The following MTOR variants were observed in gnomAD, a reference collection of about 807,000 sequenced individuals.
The protein encoded by MTOR is mechanistic target of rapamycin kinase.
A neutral mutation model predicts 319.8 loss-of-function variants in MTOR; 70 were observed. The ratio of observed to expected loss-of-function variants is 0.22; its 90% CI spans 0.18 to 0.27. The LOEUF (loss-of-function observed/expected upper bound fraction) is 0.27, where lower values mean the gene tolerates loss of function less well. MTOR is among the 10% of genes least tolerant of loss of function. The pLI, the probability that MTOR is intolerant of heterozygous loss-of-function variation, is 1.00. For missense variants in MTOR, 1,890 were observed against 3,274.4 expected, an observed-to-expected ratio of 0.58 and a Z score of 10.32; for synonymous variants, 1,183 against 1,211.4, an observed-to-expected ratio of 0.98 and a Z score of 0.49.
At chr1:11,218,136 AAT>A (rs1200512875) in intron 19 of MTOR, among the ~76,000 whole-genome samples, 1 of 152,154 alleles carries the variant, frequency 6.6e-6, no homozygotes, top group Non-Finnish European at 1.5e-5. Context: ...TCCCTATACA[AAT>A]ATGTTATTAC....
chr1:11,166,652 T>C (rs1644653354), intron 29 of MTOR, among the ~76,000 whole-genome samples: 1 of 152,190 alleles, frequency 6.6e-6, no homozygotes, highest in Non-Finnish European at 1.5e-5. Flanking sequence ...GGTGGGACTG[T>C]AAACTAGTTC....
chr1:11,142,878 C>G (rs1226372408), intron 34 of MTOR, among the ~76,000 whole-genome samples: 1 of 152,168 alleles, frequency 6.6e-6, no homozygotes, highest in Non-Finnish European at 1.5e-5. Context: ...TGGTGCAACT[C>G]CAAAGAAAAG....
At chr1:11,194,571 C>T (rs113054822) in intron 28 of MTOR, 118 of 1,614,160 alleles carry the variant, frequency 7.3e-5, no homozygotes, top group South Asian at 1.6e-4. Context: ...TGGGGAACGA[C>T]GCCCTCCAGT....
chr1:11,171,423 A>T (rs1383638576), intron 28 of MTOR, among the ~76,000 whole-genome samples: 1 of 151,826 alleles, frequency 6.6e-6, no homozygotes, highest in Non-Finnish European at 1.5e-5. Flanking sequence ...CTGGGATGAC[A>T]GGTGTGAGGC....
At chr1:11,120,519 G>GAAAAAA (rs200705080) in intron 49 of MTOR, among the ~76,000 whole-genome samples, 1 of 148,704 alleles carries the variant, frequency 6.7e-6, no homozygotes, top group South Asian at 2.2e-4. Context: ...GCCTGGGCGG[G>GAAAAAA]GAAAAAAAAA....
chr1:11,167,492 C>A lies in MTOR; in HGVS notation c.4279G>T (p.Glu1427Ter). The change falls in exon 29 of 58, where the codon GAG becomes TAG. Residue 1427 changes from glutamate to a stop codon, truncating the protein, a stop_gained. Transcript: ENST00000361445. LOFTEE classifies it high-confidence loss of function. ...TATTCTAACACTCCGGCCGCTGCCT[C>A]CGGCTGCTGTAGCTTATTATTAATG... ...ISINNKLQQP[E>*]AAAGVLEYAM... The A allele has an allele frequency of 6.2e-7, 1 of 1,613,122 alleles. No individual in the cohort carries two copies.
At position 11,128,575 on chromosome 1, in the gene MTOR, A is replaced by T. The variant is rs560885612; in HGVS notation, c.5812-23T>A. ...AACCTGGTATTCAAAAAGACACAGT[A>T]TGTAGCATATGAGACTTGAAACAAC... On this transcript the variant is annotated intron_variant, in intron 41 of 57. Transcript: ENST00000361445. This position sits in a 1 kb window ranked among gnomAD's most constrained non-coding sequence, Gnocchi z 5.3. 6.3e-7 allele frequency: 1 copy of T among 1,599,800 alleles called. No homozygotes were observed. Among genetic ancestry groups the T allele is most frequent in the African/African-American group, 1.3e-5 (1 of 74,772 alleles).
chr1:11,250,801 C>T lies in MTOR; in HGVS notation c.841-2707G>A, dbSNP rs536538613. On this transcript the variant is annotated intron_variant, in intron 6 of 57. Coordinates refer to ENST00000361445, the MANE Select transcript of MTOR (RefSeq NM_004958.4). ...GTCTTCTCCCGCAAGCCTGCTGCTC[C>T]CATTTCAGTCTTCCCACTGCAGTGA... 5.3e-5 allele frequency among the ~76,000 whole-genome samples: 8 copies of T among 152,324 alleles called. No homozygotes were observed. The East Asian group carries it at 1.3e-3, about 26-fold the overall frequency.
chr1:11,243,364 C>A, intron 8 of MTOR, 64 bp from the exon 9 acceptor site: 2 of 1,459,602 alleles, frequency 1.4e-6, no homozygotes, highest in South Asian at 2.5e-5. Context: ...TATCAACAGT[C>A]AAAGGTCCTA....
chr1:11,255,772 A>G (rs1650313937), intron 5 of MTOR, among the ~76,000 whole-genome samples: 1 of 151,788 alleles, frequency 6.6e-6, no homozygotes, highest in Non-Finnish European at 1.5e-5. Flanking sequence ...GCTTGAACCC[A>G]AGAGGCGGAG....
rs777609766 is a variant in MTOR, at chr1:11,212,391, C to T, written c.3482G>A (p.Arg1161Gln). Reference sequence around the variant, plus strand: ...CAGTTCTGGGCTCTGGTCCAGTGTTCGAACAATAGGGTGAATGATCCGGGA... The same window carrying T: ...CAGTTCTGGGCTCTGGTCCAGTGTTTGAACAATAGGGTGAATGATCCGGGA... ...YASRIIHPIV[R>Q]TLDQSPELRS... The change falls in exon 23 of 58, where the codon CGA (arginine) becomes CAA (glutamine). Residue 1161 changes from arginine to glutamine, a missense_variant. Around this residue, in one of 15 missense-constraint regions of MTOR, gnomAD observed 377 missense variants for 653.9 expected, o/e 0.58. Transcript: ENST00000361445. The surrounding 1 kb of genome is among the most constrained non-coding windows in gnomAD (Gnocchi z 4.1). 5.6e-6 allele frequency: 9 copies of T among 1,614,078 alleles called. No homozygotes were observed. Among genetic ancestry groups the T allele is most frequent in the Non-Finnish European group, 7.6e-6 (9 of 1,180,006 alleles).
chr1:11,256,031 C>A lies in MTOR; in HGVS notation c.666G>T (p.Gln222His), dbSNP rs1439098222. 1 of 1,614,010 alleles carries A rather than the reference C, an allele frequency of 6.2e-7. No homozygotes were observed. Among genetic ancestry groups the A allele is most frequent in the East Asian group, 2.2e-5 (1 of 44,882 alleles). ...GCTTCTGCATCTCCTTCGGCTCACG[C>A]TGGGTTGTGAGAATCAGACAGGCAC... ...ALRACLILTT[Q>H]REPKEMQKPQ... The change falls in exon 5 of 58, where the codon CAG becomes CAT. Residue 222 changes from glutamine to histidine, a missense_variant. By Grantham distance (24) the Gln-to-His change is conservative. This residue lies in a region of MTOR where 81 missense variants were observed against 203.6 expected (regional missense o/e 0.40). Coordinates refer to ENST00000361445, the MANE Select transcript of MTOR (RefSeq NM_004958.4).
chr1:11,192,271 T>G (rs1446959816), intron 28 of MTOR: 1 of 1,612,078 alleles, frequency 6.2e-7, no homozygotes, highest in Admixed American at 1.7e-5. Context: ...CTCTTGTAGA[T>G]GCCATCTACG....
At chr1:11,228,588 T>G (rs1355251186) in intron 19 of MTOR, 80 bp downstream of exon 19, 1 of 1,550,134 alleles carries the variant, frequency 6.5e-7, no homozygotes, top group Non-Finnish European at 8.7e-7. Context: ...GAATGCACAA[T>G]TAAGAAGCTG....
At position 11,149,734 on chromosome 1, in the gene MTOR, T is replaced by C. The variant is rs1644070954; in HGVS notation, c.4570+392A>G. Among the ~76,000 whole-genome samples the C allele has an allele frequency of 2.0e-5, 3 of 152,110 alleles. 1 individual carries two copies. The highest frequency in any genetic ancestry group is 7.2e-5 in the African/African-American group (3 of 41,414). On this transcript the variant is annotated intron_variant, in intron 31 of 57. Transcript: ENST00000361445. Reference sequence around the variant, plus strand: ...CCTTAACCTGTGGGATCTGATGCTATTTCCAAGTAGATAGGGTCAGAAATG... The same window carrying C: ...CCTTAACCTGTGGGATCTGATGCTACTTCCAAGTAGATAGGGTCAGAAATG...
At chr1:11,118,092 T>TA (rs112155521) in intron 49 of MTOR, among the ~76,000 whole-genome samples, 5,735 of 151,226 alleles carry the variant, frequency 0.038, 281 homozygotes, top group African/African-American at 0.095. Flanking sequence ...AAAATAAAAT[T>TA]AAAAAAAATT....
chr1:11,125,781 C>G (rs368323850), intron 46 of MTOR, among the ~76,000 whole-genome samples: 47 of 149,938 alleles, frequency 3.1e-4, no homozygotes, highest in Middle Eastern at 3.5e-3. Context: ...GTGGTTCACA[C>G]CTGTAATCCC....
chr1:11,205,651 C>T (rs1646113403), intron 25 of MTOR, among the ~76,000 whole-genome samples: 1 of 152,172 alleles, frequency 6.6e-6, no homozygotes, highest in African/African-American at 2.4e-5. Flanking sequence ...CCTCAGAGTG[C>T]CTCATCTAAG....
chr1:11,204,871 C>T (rs933743931), intron 25 of MTOR, among the ~76,000 whole-genome samples, 168 bp from the exon 26 acceptor site: 3 of 152,140 alleles, frequency 2.0e-5, no homozygotes, highest in Admixed American at 2.0e-4. Flanking sequence ...TTAAGAACAG[C>T]AACTCTGGAA....
Sources: allele counts gnomAD v4.1 joint callset (sites outside exome capture counted in the v4.1 genomes callset), GRCh38; gene constraint gnomAD v4.1.1; regional missense constraint gnomAD v4.1.1; non-coding constraint Gnocchi (gnomAD v3.1); transcripts MANE v1.5; gene names NCBI Gene and HGNC (gene_info 2026-07-23, HGNC 2026-07-21).